Variants in PFKM observed in about 807,000 individuals in gnomAD.
PFKM encodes phosphofructokinase, muscle, also known as ATP-dependent 6-phosphofructokinase, muscle type.
PFKM carries 58 observed loss-of-function variants against 95.5 expected under a neutral mutation model. That is an observed-to-expected ratio of 0.61 (90% CI 0.49 to 0.76). The LOEUF (loss-of-function observed/expected upper bound fraction) is 0.76. PFKM is among the 30% of genes least tolerant of loss of function. The probability of loss-of-function intolerance (pLI) is 0.00; values close to 1 mark genes in which losing one functional copy is unlikely to be tolerated. For missense variants in PFKM, 678 were observed against 1,005.4 expected (o/e 0.67, Z 4.40); for synonymous variants, 336 against 357.2 (o/e 0.94, Z 0.67).
Position 48,145,087 on chromosome 12 carries a change from T to C in PFKM, c.2049T>C (p.Ala683=). Residue 683 remains alanine, a synonymous_variant, in exon 21 of 23, where the codon GCT becomes GCC. Transcript: ENST00000359794. This position sits in a 1 kb window ranked among gnomAD's most constrained non-coding sequence, Gnocchi z 4.3. ...TTGCCACTAAGATGGGCGCCAAGGC[T>C]ATGAACTGGATGTCTGGGAAAATCA... is the stretch of plus-strand genomic sequence containing the variant. ...RNFATKMGAK[A]MNWMSGKIKE... is the part of the protein sequence containing the mutation. 1.2e-6 allele frequency: 2 copies of C among 1,614,198 alleles called. No homozygotes were observed. Among genetic ancestry groups the C allele is most frequent in the Non-Finnish European group, 8.5e-7 (1 of 1,180,006 alleles).
At chr12:48,144,771 T>C (rs1950879967) in intron 20 of PFKM, among the ~76,000 whole-genome samples, 1 of 152,226 alleles carries the variant, frequency 6.6e-6, no homozygotes, top group South Asian at 2.1e-4. Flanking sequence ...ATCTGGCAGC[T>C]GTGGAGCTAA....
At chr12:48,134,306 C>T (rs770135520) in intron 7 of PFKM, 30 bp downstream of exon 7, 116 of 1,595,222 alleles carry the variant, frequency 7.3e-5, no homozygotes, top group Non-Finnish European at 8.8e-5. Flanking sequence ...CCATTTATTC[C>T]GTGGACCTAG....
Position 48,140,785 on chromosome 12 carries a change from G to A in PFKM, c.1255G>A (p.Val419Ile), listed in dbSNP as rs1266995508. 1.2e-6 allele frequency: 2 copies of A among 1,614,214 alleles called. No individual in the cohort carries two copies. Among genetic ancestry groups the A allele is most frequent in the Non-Finnish European group, 8.5e-7 (1 of 1,180,028 alleles). ...GAPAAGMNAA[V>I]RSTVRIGLIQ... ...TCCGGCTGCAGGCATGAATGCTGCTGTTCGCTCCACTGTGAGGATTGGCCT... is the reference window on the plus strand; with the variant it reads ...TCCGGCTGCAGGCATGAATGCTGCTATTCGCTCCACTGTGAGGATTGGCCT... The change falls in exon 14 of 23, where the codon GTT becomes ATT. Residue 419 changes from valine (V) to isoleucine (I), a missense_variant. By Grantham distance (29) the Val-to-Ile change is conservative (BLOSUM62 3). Coordinates refer to ENST00000359794, the MANE Select transcript of PFKM (RefSeq NM_000289.6).
chr12:48,122,953 C>T (rs1291424903), intron 2 of PFKM, 94 bp downstream of exon 2: 1 of 1,299,488 alleles, frequency 7.7e-7, no homozygotes, highest in East Asian at 2.3e-5. Flanking sequence ...TCTGTAGGTT[C>T]ACGGGAATTT....
intron 14 of PFKM, 116 bp downstream of exon 14, chr12:48,140,987 G>T (rs1165589930): frequency 3.6e-6 from 4 of 1,110,862 alleles, no homozygotes. Flanking sequence ...TCCTCTCTCA[G>T]GGTCCAGGCA....
At chr12:48,123,982 T>C (rs948293737) in intron 2 of PFKM, among the ~76,000 whole-genome samples, 16 of 152,170 alleles carry the variant, frequency 1.1e-4, no homozygotes, top group Non-Finnish European at 2.2e-4. Flanking sequence ...AGGCACATCG[T>C]AAATACTCAA....
chr12:48,112,302 G>C (rs1333368298), intron 3 of PFKM, among the ~76,000 whole-genome samples: 2 of 152,220 alleles, frequency 1.3e-5, no homozygotes, highest in Non-Finnish European at 2.9e-5. Flanking sequence ...GTATCCAAAG[G>C]TGGAAGTACC....
At chr12:48,121,008 G>A (rs529243432) in intron 1 of PFKM, among the ~76,000 whole-genome samples, 8 of 152,270 alleles carry the variant, frequency 5.3e-5, no homozygotes, top group African/African-American at 1.7e-4. Flanking sequence ...AAAATTAGCC[G>A]GGTGTGGTGG....
intron 3 of PFKM, among the ~76,000 whole-genome samples, chr12:48,109,321 T>TCCTC (rs1946982214): frequency 6.6e-6 from 1 of 151,070 alleles, no homozygotes; most frequent in East Asian, 2.0e-4. Context: ...CTTCCTTCCT[T>TCCTC]CCTCCCTCCC....
At chr12:48,134,322 G>C (rs773888048) in intron 7 of PFKM, 46 bp downstream of exon 7, 1 of 1,530,302 alleles carries the variant, frequency 6.5e-7, no homozygotes, top group African/African-American at 1.4e-5. Context: ...CCTAGCGATA[G>C]CCCTTTCCTT....
intron 4 of PFKM, chr12:48,132,044 A>G: frequency 2.2e-6 from 1 of 456,060 alleles, no homozygotes; most frequent in Non-Finnish European, 4.4e-6. Flanking sequence ...ATCCATGGGC[A>G]AAAATTTAAT....
intron 11 of PFKM, 109 bp downstream of exon 11, chr12:48,137,955 G>T: frequency 8.3e-7 from 1 of 1,201,132 alleles, no homozygotes; most frequent in South Asian, 1.2e-5. Flanking sequence ...AGGTGGAAAG[G>T]CAAGATGGTA....
In PFKM at chr12:48,127,970, T is replaced by C. The variant is rs527694850; in HGVS notation, c.86-2393T>C. Among the ~76,000 whole-genome samples, 3 of 152,368 alleles carry C rather than the reference T, an allele frequency of 2.0e-5. No homozygotes were observed. The East Asian group carries it at 5.8e-4, about 29-fold the overall frequency. ...TGTAGAAGACAAGTCAAACTTCTCA[T>C]GGCACATAGGTGCCTGCCCACCTGT... On this transcript the variant is annotated intron_variant, in intron 2 of 22. Coordinates refer to ENST00000359794, the MANE Select transcript of PFKM (RefSeq NM_000289.6).
intron 3 of PFKM, among the ~76,000 whole-genome samples, chr12:48,112,569 G>C (rs968193257): frequency 3.3e-5 from 5 of 152,218 alleles, no homozygotes; most frequent in African/African-American, 1.2e-4. Context: ...GTGAGGCTGG[G>C]ATGAAGGGTG....
At chr12:48,122,718 G>T (rs1380932271) in intron 1 of PFKM, 49 bp from the exon 2 acceptor site, 1 of 1,612,484 alleles carries the variant, frequency 6.2e-7, no homozygotes, top group Admixed American at 1.7e-5. Flanking sequence ...TTAGCTAGTG[G>T]CATCTTGATT....
At chr12:48,141,216 CA>C in intron 14 of PFKM, 94 bp from the exon 15 acceptor site, 1 of 1,179,518 alleles carries the variant, frequency 8.5e-7, no homozygotes, top group Non-Finnish European at 1.3e-6. Context: ...AAGGGGGATC[CA>C]GGGGTAGGGT....
chr12:48,142,198 C>T, intron 17 of PFKM, 132 bp downstream of exon 17: 1 of 958,704 alleles, frequency 1.0e-6, no homozygotes, highest in Non-Finnish European at 1.6e-6. Flanking sequence ...TTCAGCTGGG[C>T]ATGGTGGCTC....
intron 4 of PFKM, 103 bp downstream of exon 4, chr12:48,131,496 T>C: frequency 1.2e-6 from 1 of 854,208 alleles, no homozygotes; most frequent in Non-Finnish European, 2.0e-6. Context: ...TGTGGTTTCA[T>C]GGGAAGGAAT....
At position 48,145,365 on chromosome 12, in the gene PFKM, C is replaced by A; in HGVS notation, c.2198+50C>A. On this transcript the variant is annotated intron_variant, in intron 22 of 22. Transcript: ENST00000359794. The surrounding 1 kb of genome is among the most constrained non-coding windows in gnomAD (Gnocchi z 4.3). Reference sequence around the variant, plus strand: ...GGTTCTTTTCCCTGGTAGTTTCAAGCTCTACTGTCCTCAACCTGTTCACTG... The same window carrying A: ...GGTTCTTTTCCCTGGTAGTTTCAAGATCTACTGTCCTCAACCTGTTCACTG... 1 of 1,460,638 alleles carries A rather than the reference C, an allele frequency of 6.8e-7. No individual in the cohort carries two copies. Among genetic ancestry groups the A allele is most frequent in the Non-Finnish European group, 9.6e-7 (1 of 1,040,696 alleles). The allele number at this position is 1,460,638 out of a possible 1,614,324, so 90.5% of individuals were successfully genotyped here.
Sources: gnomAD v4.1 joint callset for allele counts (sites outside exome capture counted in the v4.1 genomes callset) on GRCh38, gnomAD v4.1.1 for gene constraint, Gnocchi (gnomAD v3.1) non-coding constraint, MANE v1.5 for transcripts, NCBI Gene and HGNC (gene_info 2026-07-23, HGNC 2026-07-21) for gene names.